Variants in MLLT10 observed in about 807,000 individuals in gnomAD.
The protein encoded by MLLT10 is protein AF-10.
MLLT10 carries 30 observed loss-of-function variants against 129.1 expected under a neutral mutation model. The observed-to-expected ratio is 0.23, with a 90% CI of 0.17 to 0.32. The LOEUF is 0.32. Among genes scored for constraint, MLLT10 ranks in the 10% least tolerant of loss-of-function variants. MLLT10 has a pLI of 1.00. For synonymous variants in MLLT10, 490 were observed against 446.4 expected, an observed-to-expected ratio of 1.10 and a Z score of -1.23; for missense variants, 1,119 against 1,268.3, an observed-to-expected ratio of 0.88 and a Z score of 1.79.
At chr10:21,686,852 C>G (rs965814188) in intron 13 of MLLT10, among the ~76,000 whole-genome samples, 4 of 151,974 alleles carry the variant, frequency 2.6e-5, no homozygotes, top group Non-Finnish European at 5.9e-5. Flanking sequence ...CGTGATGGTG[C>G]GTGTCTGTAA....
intron 14 of MLLT10, among the ~76,000 whole-genome samples, chr10:21,715,860 T>TG (rs752618231): frequency 9.5e-4 from 145 of 152,368 alleles, no homozygotes; most frequent in Non-Finnish European, 1.7e-3. Context: ...TTCAGAAAGA[T>TG]GGGTCTCTTA....
chr10:21,613,876 G>A (rs2044934967), intron 6 of MLLT10, among the ~76,000 whole-genome samples: 1 of 151,740 alleles, frequency 6.6e-6, no homozygotes, highest in Non-Finnish European at 1.5e-5. Context: ...ACTGTACTCT[G>A]GCCTGGGTGA....
Position 21,726,355 on chromosome 10 carries a change from G to C in MLLT10, c.1990G>C (p.Asp664His). ...AGCTCAGTCTGAAAACAATCAAACA[G>C]GTAAGTTTTCAAGAATTACTAACTC... ...LIAQSENNQT[D>H]QDLGDNSRNL... Residue 664 changes from aspartate (D) to histidine (H), a missense_variant and splice_region_variant, in exon 15 of 23, where the codon GAT (aspartate) becomes CAT (histidine). Asp to His is a moderately conservative substitution (Grantham distance 81). Transcript: ENST00000307729. 3 of 1,597,334 alleles carry C rather than the reference G, an allele frequency of 1.9e-6. No individual in the cohort carries two copies. The South Asian group carries it at 3.3e-5, about 18-fold the overall frequency.
intron 16 of MLLT10, among the ~76,000 whole-genome samples, chr10:21,730,309 GAAA>G (rs10568793): frequency 0.056 from 6,874 of 122,872 alleles, 485 homozygotes; most frequent in African/African-American, 0.17. Context: ...CTCCAAAAAT[GAAA>G]AAAAAAAAAA....
intron 9 of MLLT10, among the ~76,000 whole-genome samples, chr10:21,657,920 G>T (rs549812637): frequency 1.3e-5 from 2 of 152,154 alleles, no homozygotes; most frequent in South Asian, 2.1e-4. Flanking sequence ...ATCTTTTAAA[G>T]AAATCTTTAG....
At chr10:21,582,945 G>A (rs1374644736) in intron 3 of MLLT10, among the ~76,000 whole-genome samples, 1 of 152,160 alleles carries the variant, frequency 6.6e-6, no homozygotes, top group Non-Finnish European at 1.5e-5. Context: ...GAGGTGAGTG[G>A]ATCACTTGAG....
At chr10:21,559,736 G>A (rs950381963) in intron 3 of MLLT10, among the ~76,000 whole-genome samples, 18 of 152,116 alleles carry the variant, frequency 1.2e-4, no homozygotes, top group Non-Finnish European at 1.5e-5. Context: ...ATTTCACTTT[G>A]AATGTTTTCA....
intron 3 of MLLT10, chr10:21,557,936 CTTTTTT>C (rs67489331): frequency 7.9e-6 from 1 of 126,654 alleles, no homozygotes; most frequent in Non-Finnish European, 1.6e-5. Flanking sequence ...TATTATTTTT[CTTTTTT>C]TTTTTCTTTT....
At position 21,541,617 on chromosome 10, in the gene MLLT10, C is replaced by A. The variant is rs183442367; in HGVS notation, c.240+2705C>A. Among the ~76,000 whole-genome samples, 582 of 152,260 alleles carry A rather than the reference C, an allele frequency of 3.8e-3. 5 individuals carry two copies. Among genetic ancestry groups the A allele is most frequent in the African/African-American group, 0.013 (548 of 41,548 alleles). On this transcript the variant is annotated intron_variant, in intron 3 of 22. Coordinates refer to ENST00000307729, the MANE Select transcript of MLLT10 (RefSeq NM_001195626.3). ...GCCAGGCTGGTCTCGATCTCCTGAC[C>A]TCAGGTGATCTGCCTGCTTTGGCCT...
At chr10:21,602,693 A>C (rs2043658695) in intron 5 of MLLT10, among the ~76,000 whole-genome samples, 2 of 151,596 alleles carry the variant, frequency 1.3e-5, no homozygotes, top group Admixed American at 1.3e-4. Context: ...GGTTTTCTTC[A>C]CATAAACATT....
chr10:21,567,821 CTTTT>C (rs1163802842), intron 3 of MLLT10, among the ~76,000 whole-genome samples: 3 of 137,528 alleles, frequency 2.2e-5, no homozygotes, highest in Admixed American at 7.4e-5. Context: ...GGGGCTTCTT[CTTTT>C]TTTTTTTTTT....
Position 21,711,449 on chromosome 10 carries a change from A to G in MLLT10, c.1700-2323A>G, listed in dbSNP as rs528781788. On this transcript the variant is annotated intron_variant, in intron 13 of 22. Coordinates refer to ENST00000307729, the MANE Select transcript of MLLT10 (RefSeq NM_001195626.3). ...AAAAGAAACTAGCTTGAGGCTGGGCATGGTGGCTCATGCGTGTGATGCCAG... is the reference window on the plus strand; with the variant it reads ...AAAAGAAACTAGCTTGAGGCTGGGCGTGGTGGCTCATGCGTGTGATGCCAG... Among the ~76,000 whole-genome samples, 10 of 150,942 alleles carry G rather than the reference A, an allele frequency of 6.6e-5. No homozygotes were observed. In the East Asian group the frequency reaches 2.0e-3, roughly 30 times the overall value.
At chr10:21,602,984 G>A (rs575869084) in intron 5 of MLLT10, among the ~76,000 whole-genome samples, 7 of 151,688 alleles carry the variant, frequency 4.6e-5, no homozygotes, top group Admixed American at 2.0e-4. Context: ...CACCTGCCTC[G>A]GCCTCCCAAA....
At chr10:21,598,314 C>A (rs1463269417) in intron 5 of MLLT10, among the ~76,000 whole-genome samples, 1 of 152,168 alleles carries the variant, frequency 6.6e-6, no homozygotes, top group East Asian at 1.9e-4. Flanking sequence ...TGTCTTTTGA[C>A]CTATCATTTC....
chr10:21,541,843 T>C (rs2035218663), intron 3 of MLLT10, among the ~76,000 whole-genome samples: 2 of 152,150 alleles, frequency 1.3e-5, no homozygotes, highest in Non-Finnish European at 2.9e-5. Context: ...TCCGATGATA[T>C]GTTTTGGTTG....
intron 2 of MLLT10, among the ~76,000 whole-genome samples, chr10:21,535,057 C>G (rs1311716598): frequency 6.8e-6 from 1 of 147,104 alleles, no homozygotes; most frequent in Non-Finnish European, 1.5e-5. Context: ...GGGCCGGGGT[C>G]TGCTGACTCG....
chr10:21,584,310 C>T (rs546945298), intron 3 of MLLT10, among the ~76,000 whole-genome samples: 14 of 151,954 alleles, frequency 9.2e-5, no homozygotes, highest in Admixed American at 5.2e-4. Flanking sequence ...ACTACAGGCA[C>T]GCACCACCAC....
At chr10:21,548,803 T>C (rs1234615374) in intron 3 of MLLT10, among the ~76,000 whole-genome samples, 5 of 152,196 alleles carry the variant, frequency 3.3e-5, no homozygotes, top group Non-Finnish European at 7.3e-5. Flanking sequence ...TTTCAATTTG[T>C]CTCTTTTTTC....
At chr10:21,660,588 C>T (rs1389704651) in intron 9 of MLLT10, among the ~76,000 whole-genome samples, 2 of 131,018 alleles carry the variant, frequency 1.5e-5, no homozygotes, top group East Asian at 4.6e-4. Context: ...TGCACTCCAG[C>T]GCGGGTGACA....
Sources: gnomAD v4.1 joint callset for allele counts (sites outside exome capture counted in the v4.1 genomes callset) on GRCh38, gnomAD v4.1.1 for gene constraint, MANE v1.5 for transcripts, NCBI Gene and HGNC (gene_info 2026-07-23, HGNC 2026-07-21) for gene names.